ATP2B4: variants seen among roughly 807,000 people sequenced by gnomAD.
ATP2B4 encodes plasma membrane calcium-transporting ATPase 4.
In ATP2B4, 39 loss-of-function variants were observed where a neutral mutation model predicts 110.3. The observed-to-expected ratio is 0.35, with a 90% CI of 0.27 to 0.46. ATP2B4 has a LOEUF of 0.46. Ranked by LOEUF, ATP2B4 falls within the 20% of genes least tolerant of loss-of-function variation. The pLI is 1.00. For synonymous variants in ATP2B4, 538 were observed against 571.7 expected, an observed-to-expected ratio of 0.94 and a Z score of 0.84; for missense variants, 1,135 against 1,530.9, an observed-to-expected ratio of 0.74 and a Z score of 4.32.
chr1:203,640,238 A>T (rs1663585490), intron 1 of ATP2B4, among the ~76,000 whole-genome samples: 1 of 152,126 alleles, frequency 6.6e-6, no homozygotes, highest in South Asian at 2.1e-4. Flanking sequence ...ACTCCCAAGA[A>T]CATCCTCCTG....
Position 203,707,013 on chromosome 1 carries a change from G to A in ATP2B4, c.1104G>A (p.Leu368=), listed in dbSNP as rs1292265689. The change falls in exon 9 of 21, where the codon CTG becomes CTA. Residue 368 remains leucine, a synonymous_variant. Transcript: ENST00000357681. ...RLAVQIGKAG[L]LMSALTVFIL... ...ATGACTTGTTTCTCTGGACAGGTCT[G>A]CTCATGTCTGCTCTCACGGTTTTCA... 8 of 1,613,528 alleles carry A rather than the reference G, an allele frequency of 5.0e-6. No individual in the cohort carries two copies. The highest frequency in any genetic ancestry group is 6.8e-6 in the Non-Finnish European group (8 of 1,179,726).
rs184742983 is a variant in ATP2B4 at position 203,651,715 on chromosome 1, T to G, written c.-465+24496T>G. 3.3e-5 allele frequency among the ~76,000 whole-genome samples: 5 copies of G among 151,956 alleles called. No individual in the cohort carries two copies. The East Asian group carries it at 9.7e-4, about 30-fold the overall frequency. Reference sequence around the variant, plus strand: ...GTTTGAGGCTGCAGTGAGCTTTGATTGCACCACTGCACTCCAGCCTGGGTG... The same window carrying G: ...GTTTGAGGCTGCAGTGAGCTTTGATGGCACCACTGCACTCCAGCCTGGGTG... On this transcript the variant is annotated intron_variant, in intron 1 of 20. Transcript: ENST00000357681.
chr1:203,669,823 C>T (rs755946370), intron 1 of ATP2B4, among the ~76,000 whole-genome samples: 1 of 152,168 alleles, frequency 6.6e-6, no homozygotes, highest in Non-Finnish European at 1.5e-5. Context: ...TCATTAATTG[C>T]ACAGGTTAGG....
chr1:203,723,455 T>TCTCTCC (rs1558052450), intron 18 of ATP2B4, among the ~76,000 whole-genome samples: 3 of 135,220 alleles, frequency 2.2e-5, no homozygotes, highest in East Asian at 4.3e-4. Context: ...TCTCTCTCTC[T>TCTCTCC]CTCTCCCTCT....
At chr1:203,721,077 C>G in intron 16 of ATP2B4, 120 bp from the exon 17 acceptor site, 1 of 1,041,696 alleles carries the variant, frequency 9.6e-7, no homozygotes, top group East Asian at 2.5e-5. Flanking sequence ...CTCACAGTCA[C>G]TCAGCTAGGA....
chr1:203,706,957 G>T, intron 8 of ATP2B4, 52 bp from the exon 9 acceptor site: 1 of 1,505,034 alleles, frequency 6.6e-7, no homozygotes, highest in Non-Finnish European at 9.2e-7. Flanking sequence ...TCTGGCTAGG[G>T]CCCTAGGACT....
chr1:203,732,814 C>CA (rs547622162), intron 20 of ATP2B4, among the ~76,000 whole-genome samples: 4,581 of 107,578 alleles, frequency 0.043, 84 homozygotes, highest in Non-Finnish European at 0.047. Context: ...GATTCCATCT[C>CA]AAAAAAAAAA....
In ATP2B4 at chr1:203,698,253, T is replaced by C. The variant is rs1361513326; in HGVS notation, c.290T>C (p.Val97Ala). 9.9e-6 allele frequency: 16 copies of C among 1,614,194 alleles called. No homozygotes were observed. Among genetic ancestry groups the C allele is most frequent in the East Asian group, 4.5e-5 (2 of 44,886 alleles). The stretch of plus-strand genomic sequence containing the variant: ...AAGCCCAAGACTTTCTTAGAATTAG[T>C]GTGGGAAGCTCTTCAAGATGTCACG... Reference protein sequence around the residue: ...PKKPKTFLELVWEALQDVTLI... With the variant: ...PKKPKTFLELAWEALQDVTLI... Residue 97 changes from valine to alanine, a missense_variant, in exon 3 of 21, where the codon GTG becomes GCG. Val to Ala is a moderately conservative substitution (Grantham distance 64). Coordinates refer to ENST00000357681, the MANE Select transcript of ATP2B4 (RefSeq NM_001684.5).
In ATP2B4 at chr1:203,712,082, C is replaced by T; in HGVS notation, c.2154C>T (p.Asp718=). 1 of 1,614,200 alleles carries T rather than the reference C, an allele frequency of 6.2e-7. No homozygotes were observed. The highest frequency in any genetic ancestry group is 8.5e-7 in the Non-Finnish European group (1 of 1,180,032). ...GTGGCATTCTGACACCTGGGGATGA[C>T]TTCCTGTGCTTAGAAGGCAAAGAAT... is the stretch of plus-strand genomic sequence containing the variant. ...TKCGILTPGD[D]FLCLEGKEFN... Residue 718 remains aspartate (D), a synonymous_variant, in exon 13 of 21, where the codon GAC becomes GAT. Transcript: ENST00000357681.
At chr1:203,705,915 G>T (rs1211880968) in intron 8 of ATP2B4, among the ~76,000 whole-genome samples, 1 of 152,188 alleles carries the variant, frequency 6.6e-6, no homozygotes, top group Non-Finnish European at 1.5e-5. Context: ...CCCTAATCAA[G>T]CAAAGAACGG....
chr1:203,653,633 G>A (rs1664063149), intron 1 of ATP2B4, among the ~76,000 whole-genome samples: 1 of 152,098 alleles, frequency 6.6e-6, no homozygotes, highest in Non-Finnish European at 1.5e-5. Context: ...GGGTCTTTAT[G>A]AATTTTCCAC....
chr1:203,646,056 T>A (rs1440009717), intron 1 of ATP2B4, among the ~76,000 whole-genome samples: 6 of 104,822 alleles, frequency 5.7e-5, no homozygotes, highest in Non-Finnish European at 1.5e-4. Context: ...GGTTATTTTT[T>A]AAGAATATTT....
intron 10 of ATP2B4, 135 bp from the exon 11 acceptor site, chr1:203,709,164 GAA>G: frequency 1.4e-5 from 15 of 1,040,812 alleles, no homozygotes; most frequent in East Asian, 3.2e-5. Flanking sequence ...CTCCAAAAAA[GAA>G]AAAAAAAAAT....
At chr1:203,632,286 C>G (rs941141922) in intron 1 of ATP2B4, among the ~76,000 whole-genome samples, 1 of 150,596 alleles carries the variant, frequency 6.6e-6, no homozygotes, top group Non-Finnish European at 1.5e-5. Context: ...AGTGAAAAAA[C>G]CAAGACATAG....
chr1:203,681,554 G>A (rs534220396), intron 1 of ATP2B4, among the ~76,000 whole-genome samples: 26 of 152,254 alleles, frequency 1.7e-4, no homozygotes, highest in African/African-American at 5.8e-4. Context: ...AAAGGCTGAT[G>A]TGTGGCAGTG....
Position 203,669,579 on chromosome 1 carries a change from G to A in ATP2B4, c.-464-13163G>A, listed in dbSNP as rs138928109. Among the ~76,000 whole-genome samples, 535 of 152,252 alleles carry A rather than the reference G, an allele frequency of 3.5e-3. 1 individual carries two copies. Among genetic ancestry groups the A allele is most frequent in the African/African-American group, 0.012 (500 of 41,524 alleles). On this transcript the variant is annotated intron_variant, in intron 1 of 20. Coordinates refer to ENST00000357681, the MANE Select transcript of ATP2B4 (RefSeq NM_001684.5). ...AGCCTCCCGTGTACCTGGGATTACAGGCACGTGCCACCACCCCCTGCTAAT... is the reference window on the plus strand; with the variant it reads ...AGCCTCCCGTGTACCTGGGATTACAAGCACGTGCCACCACCCCCTGCTAAT...
intron 12 of ATP2B4, 38 bp from the exon 13 acceptor site, chr1:203,711,922 C>G: frequency 1.2e-6 from 2 of 1,601,640 alleles, no homozygotes; most frequent in Non-Finnish European, 1.7e-6. Flanking sequence ...GGGTCATCAC[C>G]CTCATCTGCG....
chr1:203,678,510 C>G (rs1444857379), intron 1 of ATP2B4, among the ~76,000 whole-genome samples: 1 of 150,900 alleles, frequency 6.6e-6, no homozygotes, highest in Non-Finnish European at 1.5e-5. Flanking sequence ...CTCAAATGAC[C>G]CTCCCACCTC....
chr1:203,629,687 C>A lies in ATP2B4; in HGVS notation c.-465+2468C>A, dbSNP rs988746150. 4.6e-5 allele frequency among the ~76,000 whole-genome samples: 7 copies of A among 152,210 alleles called. No individual in the cohort carries two copies. Among genetic ancestry groups the A allele is most frequent in the Admixed American group, 2.6e-4 (4 of 15,286 alleles). On this transcript the variant is annotated intron_variant, in intron 1 of 20. Transcript: ENST00000357681. The surrounding 1 kb of genome is among the most constrained non-coding windows in gnomAD (Gnocchi z 4.6). ...CCACCCTCCCGGGCTCTGCTGTAGT[C>A]TGAGAACTCCGTGGAGAATGCGAAC...
Sources: allele counts gnomAD v4.1 joint callset (sites outside exome capture counted in the v4.1 genomes callset), GRCh38; gene constraint gnomAD v4.1.1; non-coding constraint Gnocchi (gnomAD v3.1); transcripts MANE v1.5; gene names NCBI Gene and HGNC (gene_info 2026-07-23, HGNC 2026-07-21).